Variants in DCDC2 observed in about 807,000 individuals in gnomAD.
DCDC2 encodes the protein doublecortin domain containing 2.
Under a neutral mutation model 50.2 loss-of-function variants are expected in DCDC2, and 40 were observed. That is an observed-to-expected ratio of 0.80 (90% confidence interval 0.62 to 1.04). DCDC2 has a LOEUF of 1.04. Ranked by LOEUF, DCDC2 falls within the 50% of genes least tolerant of loss-of-function variation. DCDC2 has a pLI of 0.00. For synonymous variants in DCDC2, 234 were observed against 210.6 expected (o/e 1.11, Z -0.96); for missense variants, 570 against 581.9 (o/e 0.98, Z 0.21).
At chr6:24,303,398 C>T (rs1759418160) in intron 2 of DCDC2, among the ~76,000 whole-genome samples, 1 of 152,076 alleles carries the variant, frequency 6.6e-6, no homozygotes, top group Non-Finnish European at 1.5e-5. Context: ...AGCCTGCTCC[C>T]CTCCATTCCC....
intron 7 of DCDC2, among the ~76,000 whole-genome samples, chr6:24,206,635 T>C (rs1761722193): frequency 6.6e-6 from 1 of 152,164 alleles, no homozygotes; most frequent in Non-Finnish European, 1.5e-5. Context: ...TCACATTCAA[T>C]GAAATGTTTA....
intron 7 of DCDC2, among the ~76,000 whole-genome samples, chr6:24,213,255 T>A (rs529993603): frequency 3.9e-5 from 6 of 152,198 alleles, no homozygotes; most frequent in South Asian, 2.1e-4. Context: ...CTAAATACTT[T>A]ATAAAAATCT....
At chr6:24,270,864 C>T (rs1248890764) in intron 7 of DCDC2, among the ~76,000 whole-genome samples, 1 of 152,084 alleles carries the variant, frequency 6.6e-6, no homozygotes. Context: ...ATGCTTCAGT[C>T]TTTGGTATGC....
At chr6:24,195,375 GTTA>G (rs1761410205) in intron 8 of DCDC2, among the ~76,000 whole-genome samples, 1 of 152,012 alleles carries the variant, frequency 6.6e-6, no homozygotes, top group African/African-American at 2.4e-5. Flanking sequence ...TTCAAATATT[GTTA>G]TTATAGTAAA....
intron 7 of DCDC2, among the ~76,000 whole-genome samples, chr6:24,274,382 A>G (rs1290024121): frequency 1.3e-5 from 2 of 152,176 alleles, no homozygotes; most frequent in African/African-American, 2.4e-5. Flanking sequence ...ATCTCAAGGC[A>G]CTGCAACTCA....
At chr6:24,272,362 A>G (rs1763256128) in intron 7 of DCDC2, among the ~76,000 whole-genome samples, 1 of 152,216 alleles carries the variant, frequency 6.6e-6, no homozygotes, top group Non-Finnish European at 1.5e-5. Context: ...AAGAATTTTT[A>G]TCATACTAGT....
At chr6:24,360,020 G>GGCGGT (rs981615498), upstream of DCDC2, among the ~76,000 whole-genome samples, 1 of 152,208 alleles carries the variant, frequency 6.6e-6, no homozygotes, top group African/African-American at 2.4e-5. Context: ...GCGGGGGCGG[G>GGCGGT]GCGGTGCGGC....
chr6:24,307,499 T>C (rs1229632978), intron 2 of DCDC2, among the ~76,000 whole-genome samples: 1 of 152,250 alleles, frequency 6.6e-6, no homozygotes, highest in East Asian at 1.9e-4. Flanking sequence ...CTATTTTCTT[T>C]ATCGTATGGA....
intron 1 of DCDC2, among the ~76,000 whole-genome samples, chr6:24,355,335 A>C (rs930109933): frequency 1.3e-5 from 2 of 152,142 alleles, no homozygotes; most frequent in Non-Finnish European, 2.9e-5. Context: ...GAACTATAAA[A>C]GTGAGTCTAC....
At chr6:24,265,745 G>A (rs774512884) in intron 7 of DCDC2, among the ~76,000 whole-genome samples, 15 of 151,736 alleles carry the variant, frequency 9.9e-5, no homozygotes, top group Non-Finnish European at 2.1e-4. Context: ...AAATGTATGG[G>A]ATATAGCGAA....
chr6:24,343,784 T>C (rs1395692300), intron 2 of DCDC2, among the ~76,000 whole-genome samples: 1 of 152,230 alleles, frequency 6.6e-6, no homozygotes, highest in Non-Finnish European at 1.5e-5. Context: ...GGTCAGAATT[T>C]AAAAGAAAAT....
chr6:24,232,299 C>T (rs759337176), intron 7 of DCDC2, among the ~76,000 whole-genome samples: 4 of 152,138 alleles, frequency 2.6e-5, no homozygotes, highest in African/African-American at 4.8e-5. Context: ...TTTTCAAACA[C>T]CTAAGGAATG....
At chr6:24,331,468 C>T (rs1759964513) in intron 2 of DCDC2, among the ~76,000 whole-genome samples, 1 of 151,076 alleles carries the variant, frequency 6.6e-6, no homozygotes, top group Non-Finnish European at 1.5e-5. Context: ...TAGAATGGGT[C>T]GTATATTATA....
Position 24,338,809 on chromosome 6 carries a change from C to T in DCDC2, c.348+14760G>A, listed in dbSNP as rs544081656. On this transcript the variant is annotated intron_variant, in intron 2 of 9. Coordinates refer to ENST00000378454, the MANE Select transcript of DCDC2 (RefSeq NM_016356.5). The stretch of plus-strand genomic sequence containing the variant: ...TACAGGCACACACCACCACGCCCAG[C>T]TAATTTTTGTATTTTTAGTAGAGGG... Among the ~76,000 whole-genome samples the T allele has an allele frequency of 3.9e-5, 6 of 152,208 alleles. 1 individual carries two copies. The East Asian group carries it at 1.2e-3, about 29-fold the overall frequency.
At chr6:24,363,034 T>C (rs1247986855), upstream of DCDC2, among the ~76,000 whole-genome samples, 1 of 152,110 alleles carries the variant, frequency 6.6e-6, no homozygotes, top group Non-Finnish European at 1.5e-5. Flanking sequence ...AGCGGAATGC[T>C]AAGGAATGAG....
chr6:24,264,479 A>C (rs2113808473), intron 7 of DCDC2, among the ~76,000 whole-genome samples: 1 of 152,288 alleles, frequency 6.6e-6, no homozygotes, highest in Admixed American at 6.5e-5. Context: ...AAGTTGGATG[A>C]GGTTAAACTG....
intron 7 of DCDC2, among the ~76,000 whole-genome samples, chr6:24,244,966 G>A (rs955853384): frequency 2.0e-5 from 3 of 152,090 alleles, no homozygotes; most frequent in African/African-American, 7.2e-5. Context: ...AGGCCGAGGT[G>A]GGCACATCAC....
intron 7 of DCDC2, among the ~76,000 whole-genome samples, chr6:24,253,937 A>C (rs186743795): frequency 2.6e-5 from 4 of 152,334 alleles, no homozygotes; most frequent in Non-Finnish European, 5.9e-5. Context: ...AAAACTTTTT[A>C]ATTTTTTAAC....
chr6:24,196,652 G>T (rs1408691782), intron 8 of DCDC2, among the ~76,000 whole-genome samples: 1 of 152,142 alleles, frequency 6.6e-6, no homozygotes, highest in African/African-American at 2.4e-5. Flanking sequence ...GAACACTCCT[G>T]ACTTTAGGTG....
Sources: gnomAD v4.1 joint callset for allele counts (sites outside exome capture counted in the v4.1 genomes callset) on GRCh38, gnomAD v4.1.1 for gene constraint, MANE v1.5 for transcripts, NCBI Gene and HGNC (gene_info 2026-07-23, HGNC 2026-07-21) for gene names.